The following SMAP1 variants were observed in gnomAD, a reference collection of about 807,000 sequenced individuals.
SMAP1 encodes small ArfGAP 1, also known as stromal membrane-associated protein 1.
In SMAP1, 24 loss-of-function variants were observed where a neutral mutation model predicts 58.5. The observed-to-expected ratio is 0.41, with a 90% CI of 0.30 to 0.58. SMAP1 has a LOEUF of 0.58. Among genes scored for constraint, SMAP1 ranks in the 20% least tolerant of loss-of-function variants. The pLI is 0.29. For missense variants in SMAP1, 563 were observed against 566.3 expected (o/e 0.99, Z 0.06); for synonymous variants, 216 against 196.6 (o/e 1.10, Z -0.82).
chr6:70,667,996 G>A lies in SMAP1; in HGVS notation c.-28G>A. 1 of 1,559,810 alleles carries A rather than the reference G, an allele frequency of 6.4e-7. No individual in the cohort carries two copies. The highest frequency in any genetic ancestry group is 1.2e-5 in the South Asian group (1 of 85,966). ...GCCAGCGTCCGCCGCCGCCGTAGCT[G>A]CCCCAGGCTCCCCGCCCCGCTGCCG... On this transcript the variant is annotated 5_prime_UTR_variant, in exon 1 of 11. Transcript: ENST00000370455.
At chr6:70,683,314 T>G (rs578213904) in intron 1 of SMAP1, among the ~76,000 whole-genome samples, 3 of 151,644 alleles carry the variant, frequency 2.0e-5, no homozygotes, top group Non-Finnish European at 4.4e-5. Flanking sequence ...GGATTACAGG[T>G]GCCCGCCACC....
chr6:70,721,913 C>T lies in SMAP1; in HGVS notation c.119-10465C>T, dbSNP rs189919308. 9.9e-4 allele frequency among the ~76,000 whole-genome samples: 150 copies of T among 152,282 alleles called. 2 individuals carry two copies. The South Asian group carries it at 0.018, about 18-fold the overall frequency. ...TTCAATTACCTTGCCCCGGATCCCT[C>T]CCACAACACATGGGAATTCTGGGAG... On this transcript the variant is annotated intron_variant, in intron 1 of 10. Coordinates refer to ENST00000370455, the MANE Select transcript of SMAP1 (RefSeq NM_001044305.3).
intron 1 of SMAP1, among the ~76,000 whole-genome samples, chr6:70,690,741 T>C (rs992121975): frequency 6.6e-6 from 1 of 151,454 alleles, no homozygotes; most frequent in Admixed American, 6.6e-5. Context: ...ATTTTACATA[T>C]TGTCATGAAG....
At chr6:70,827,269 A>G (rs1383402698) in intron 6 of SMAP1, among the ~76,000 whole-genome samples, 1 of 152,238 alleles carries the variant, frequency 6.6e-6, no homozygotes, top group Non-Finnish European at 1.5e-5. Flanking sequence ...TAGTTAAGAT[A>G]TCAAATGACA....
chr6:70,718,453 A>T (rs192083006), intron 1 of SMAP1, among the ~76,000 whole-genome samples: 4 of 152,270 alleles, frequency 2.6e-5, no homozygotes, highest in Admixed American at 2.6e-4. Flanking sequence ...AGGAAGAGAG[A>T]GGGAAGGGCT....
intron 7 of SMAP1, chr6:70,837,893 G>A (rs528829173): frequency 2.1e-5 from 25 of 1,192,994 alleles, no homozygotes; most frequent in Non-Finnish European, 4.3e-6. Context: ...TGAATAAATT[G>A]TTGTCTGTTT....
At chr6:70,775,009 CAAAA>C (rs71538441) in intron 4 of SMAP1, among the ~76,000 whole-genome samples, 1 of 119,210 alleles carries the variant, frequency 8.4e-6, no homozygotes, top group African/African-American at 3.2e-5. Flanking sequence ...GATTCTGTGT[CAAAA>C]AAAAAAAAAA....
At chr6:70,710,198 A>G (rs1437736077) in intron 1 of SMAP1, among the ~76,000 whole-genome samples, 1 of 152,104 alleles carries the variant, frequency 6.6e-6, no homozygotes, top group African/African-American at 2.4e-5. Context: ...ATTGCTATAA[A>G]AGATAAAAAA....
At chr6:70,857,204 A>G (rs1771463503) in intron 9 of SMAP1, 174 bp downstream of exon 9, 2 of 532,940 alleles carry the variant, frequency 3.8e-6, no homozygotes, top group Admixed American at 7.4e-5. Context: ...AAAAATTAAG[A>G]GGCATGTACA....
At chr6:70,764,369 G>A (rs77645451) in intron 3 of SMAP1, among the ~76,000 whole-genome samples, 1 of 152,234 alleles carries the variant, frequency 6.6e-6, no homozygotes, top group South Asian at 2.1e-4. Context: ...GTTGGAAGAA[G>A]ATGCCATTGA....
chr6:70,671,412 A>G (rs1766258858), intron 1 of SMAP1, among the ~76,000 whole-genome samples: 1 of 152,160 alleles, frequency 6.6e-6, no homozygotes, highest in South Asian at 2.1e-4. Context: ...TCCACTAAAA[A>G]TACAAAAACC....
intron 1 of SMAP1, among the ~76,000 whole-genome samples, chr6:70,669,790 T>G (rs1306457679): frequency 6.6e-6 from 1 of 152,230 alleles, no homozygotes; most frequent in Non-Finnish European, 1.5e-5. Flanking sequence ...AGTCGAATAG[T>G]AACAGTTTCA....
At position 70,858,373 on chromosome 6, in the gene SMAP1, G is replaced by T. The variant is rs189839586; in HGVS notation, c.1269+144G>T. 11 of 639,820 alleles carry T rather than the reference G, an allele frequency of 1.7e-5. No homozygotes were observed. In the Admixed American group the frequency reaches 4.2e-4, roughly 24 times the overall value. The allele number at this position is 639,820 out of a possible 1,614,324, so 39.6% of individuals were successfully genotyped here. A position where few individuals can be genotyped will look rare whatever the true frequency, so the allele number is the denominator to read the frequency against. ...GGGATAATATGTTATAGGGTCAAAAGTATCTATAAATATTATGAAGTTGTA... is the reference window on the plus strand; with the variant it reads ...GGGATAATATGTTATAGGGTCAAAATTATCTATAAATATTATGAAGTTGTA... On this transcript the variant is annotated intron_variant, in intron 10 of 10. Coordinates refer to ENST00000370455, the MANE Select transcript of SMAP1 (RefSeq NM_001044305.3).
intron 1 of SMAP1, among the ~76,000 whole-genome samples, chr6:70,726,250 C>T (rs1419309514): frequency 2.6e-5 from 4 of 152,146 alleles, no homozygotes; most frequent in African/African-American, 9.7e-5. Flanking sequence ...GCTCCCTTAG[C>T]AGTTTTGGCA....
rs1771675565 is a variant in SMAP1, at chr6:70,860,576, ATTAT to A, written c.*245_*248del. ...TATTTCCCATGATTTCATGTACTGC[ATTAT>A]TTGAGAAGCTGCTCAACTTGCAAAA... On this transcript the variant is annotated 3_prime_UTR_variant, in exon 11 of 11. Coordinates refer to ENST00000370455, the MANE Select transcript of SMAP1 (RefSeq NM_001044305.3). 2 of 437,928 alleles carry A rather than the reference ATTAT, an allele frequency of 4.6e-6. No individual in the cohort carries two copies. The highest frequency in any genetic ancestry group is 4.1e-5 in the Admixed American group (1 of 24,610). 27.1% of individuals were successfully genotyped at this position (437,928 alleles called of 1,614,324 possible).
rs1436131451 is a variant in SMAP1 at position 70,757,213 on chromosome 6, C to T, written c.338+2148C>T. ...AGAACAGAGCCCTCAGAAATAACGCCGCATATCTACAACTATCTGATCTTT... is the reference window on the plus strand; with the variant it reads ...AGAACAGAGCCCTCAGAAATAACGCTGCATATCTACAACTATCTGATCTTT... On this transcript the variant is annotated intron_variant, in intron 3 of 10. Coordinates refer to ENST00000370455, the MANE Select transcript of SMAP1 (RefSeq NM_001044305.3). 3.9e-3 allele frequency among the ~76,000 whole-genome samples: 589 copies of T among 149,120 alleles called. 2 individuals are homozygous for T. The highest frequency in any genetic ancestry group is 0.014 in the African/African-American group (549 of 40,646).
chr6:70,858,287 C>CTTTTTT (rs68188898), intron 10 of SMAP1, 58 bp downstream of exon 10: 13 of 290,738 alleles, frequency 4.5e-5, no homozygotes, highest in African/African-American at 3.9e-4. Flanking sequence ...TTTTCTAAAT[C>CTTTTTT]TTTTTTTTTT....
intron 6 of SMAP1, among the ~76,000 whole-genome samples, chr6:70,826,921 T>G (rs1770145733): frequency 1.0e-5 from 1 of 98,598 alleles, no homozygotes; most frequent in African/African-American, 4.2e-5. Flanking sequence ...GGCAACAGAG[T>G]GAAACCGTGT....
At chr6:70,747,433 C>T (rs559374707) in intron 2 of SMAP1, among the ~76,000 whole-genome samples, 3 of 152,230 alleles carry the variant, frequency 2.0e-5, no homozygotes, top group Non-Finnish European at 4.4e-5. Flanking sequence ...GTGAAGGTTA[C>T]AGCCAGTGAC....
Sources: allele counts gnomAD v4.1 joint callset (sites outside exome capture counted in the v4.1 genomes callset), GRCh38; gene constraint gnomAD v4.1.1; transcripts MANE v1.5; gene names NCBI Gene and HGNC (gene_info 2026-07-23, HGNC 2026-07-21).